Variants in FAAH2 observed in about 807,000 individuals in gnomAD.
FAAH2 encodes fatty acid amide hydrolase 2, also known as fatty-acid amide hydrolase 2.
In FAAH2, 60 loss-of-function variants were observed where a neutral mutation model predicts 36.9. That is an observed-to-expected ratio of 1.63 (90% confidence interval 1.32 to 2.02). The LOEUF (loss-of-function observed/expected upper bound fraction) is 2.02. Ranked by LOEUF, FAAH2 falls within the 30% of genes most tolerant of loss-of-function variation. The pLI is 0.00. For missense variants in FAAH2, 689 were observed against 397.5 expected (o/e 1.73, Z -6.23); for synonymous variants, 214 against 143.8 (o/e 1.49, Z -3.49).
chrX:57,480,223 A>G (rs1569374403), intron 10 of FAAH2, among the ~76,000 whole-genome samples: 1 of 111,888 alleles, frequency 8.9e-6, no homozygotes, highest in Admixed American at 9.5e-5. Flanking sequence ...AACTATTCCT[A>G]TCAATAGAAA....
chrX:57,262,083 T>A, the FAAH2 span, among the ~76,000 whole-genome samples: 1 of 110,391 alleles, frequency 9.1e-6, no homozygotes, highest in Non-Finnish European at 1.9e-5. Flanking sequence ...ATATATATAC[T>A]TTTCTTTACT....
intron 10 of FAAH2, among the ~76,000 whole-genome samples, chrX:57,452,651 A>G: frequency 1.8e-5 from 2 of 112,621 alleles, no homozygotes; most frequent in Middle Eastern, 9.1e-3. Context: ...AAACTAACAA[A>G]TACATAATTA....
At chrX:57,189,080 T>C in the FAAH2 span, among the ~76,000 whole-genome samples, 2 of 111,106 alleles carry the variant, frequency 1.8e-5, no homozygotes, top group African/African-American at 6.5e-5. Context: ...GTCTTGGTTC[T>C]TTCCTTTTAA....
chrX:57,345,121 ATTT>A (rs201155425), intron 5 of FAAH2, among the ~76,000 whole-genome samples: 1 of 95,026 alleles, frequency 1.1e-5, no homozygotes, highest in African/African-American at 3.9e-5. Flanking sequence ...CCTCTCCTCA[ATTT>A]TTTTTTTTTT....
chrX:57,371,474 C>T (rs746590803), intron 5 of FAAH2, among the ~76,000 whole-genome samples: 1 of 111,636 alleles, frequency 9.0e-6, no homozygotes, highest in South Asian at 3.8e-4. Flanking sequence ...TTTCTTTATC[C>T]AATCCACCAT....
the FAAH2 span, among the ~76,000 whole-genome samples, chrX:57,159,580 G>T: frequency 9.0e-6 from 1 of 110,556 alleles, no homozygotes; most frequent in Non-Finnish European, 1.9e-5. Flanking sequence ...GGATTCCTAG[G>T]TATTTTATTC....
At chrX:57,325,121 G>A (rs919552552) in intron 3 of FAAH2, among the ~76,000 whole-genome samples, 1 of 112,281 alleles carries the variant, frequency 8.9e-6, no homozygotes, top group East Asian at 2.8e-4. Context: ...TGTTGGTTCT[G>A]TTTATATGCT....
chrX:57,166,414 C>T, the FAAH2 span, among the ~76,000 whole-genome samples: 6 of 111,789 alleles, frequency 5.4e-5, no homozygotes, highest in Non-Finnish European at 1.1e-4. Flanking sequence ...GTAATACACA[C>T]CCACCCTAGA....
intron 7 of FAAH2, among the ~76,000 whole-genome samples, chrX:57,405,288 G>A (rs1180938986): frequency 1.8e-5 from 2 of 111,227 alleles, no homozygotes; most frequent in Non-Finnish European, 3.8e-5. Flanking sequence ...TCTGACCTGG[G>A]GTTCTTGGCC....
chrX:57,248,874 G>A, the FAAH2 span, among the ~76,000 whole-genome samples: 2 of 85,700 alleles, frequency 2.3e-5, no homozygotes, highest in Non-Finnish European at 4.4e-5. Flanking sequence ...TTTGGTACTT[G>A]AGTCTTTTTA....
chrX:57,457,681 A>G (rs2056884917), intron 10 of FAAH2, among the ~76,000 whole-genome samples: 1 of 84,096 alleles, frequency 1.2e-5, no homozygotes, highest in Admixed American at 1.6e-4. Context: ...GAAGAACAGA[A>G]TTCCATTTAC....
At chrX:57,193,453 G>A in the FAAH2 span, among the ~76,000 whole-genome samples, 1 of 111,727 alleles carries the variant, frequency 9.0e-6, no homozygotes, top group Non-Finnish European at 1.9e-5. Context: ...GCCTCCATTT[G>A]CCTTGTGATA....
At chrX:57,417,372 C>T (rs959454194) in intron 7 of FAAH2, among the ~76,000 whole-genome samples, 1 of 111,821 alleles carries the variant, frequency 8.9e-6, no homozygotes, top group Non-Finnish European at 1.9e-5. Flanking sequence ...ATTTATCTTC[C>T]TTTGGTCTTT....
chrX:57,475,341 C>T (rs1392173238), intron 10 of FAAH2, among the ~76,000 whole-genome samples: 1 of 111,426 alleles, frequency 9.0e-6, no homozygotes, highest in African/African-American at 3.3e-5. Flanking sequence ...TACATTTAAG[C>T]CTTTAATTCA....
chrX:57,144,348 A>ATT, the FAAH2 span, among the ~76,000 whole-genome samples: 9 of 107,739 alleles, frequency 8.4e-5, no homozygotes, highest in Non-Finnish European at 1.7e-4. Context: ...GGATATTTAT[A>ATT]TTTTTTCTCA....
At chrX:57,366,966 TCTGG>T (rs1383959423) in intron 5 of FAAH2, among the ~76,000 whole-genome samples, 1 of 112,083 alleles carries the variant, frequency 8.9e-6, no homozygotes, top group Non-Finnish European at 1.9e-5. Context: ...ACACAAAACC[TCTGG>T]ACTCCATACA....
intron 3 of FAAH2, among the ~76,000 whole-genome samples, chrX:57,328,550 A>G (rs202204455): frequency 4.6e-4 from 51 of 111,042 alleles, no homozygotes; most frequent in Admixed American, 3.8e-3. Context: ...TCTGAATTCT[A>G]TTTATCTCAT....
chrX:57,403,353 T>A (rs2055486334), intron 7 of FAAH2, among the ~76,000 whole-genome samples: 1 of 112,538 alleles, frequency 8.9e-6, no homozygotes, highest in Non-Finnish European at 1.9e-5. Context: ...GATGTAGCAG[T>A]CCTGCACCTG....
At chrX:57,358,338 A>G (rs777018342) in intron 5 of FAAH2, among the ~76,000 whole-genome samples, 1 of 110,634 alleles carries the variant, frequency 9.0e-6, no homozygotes, top group Non-Finnish European at 1.9e-5. Context: ...ATATCACATG[A>G]ATAGCAATTC....
Sources: allele counts gnomAD v4.1 joint callset (sites outside exome capture counted in the v4.1 genomes callset), GRCh38; gene constraint gnomAD v4.1.1; transcripts MANE v1.5; gene names NCBI Gene and HGNC (gene_info 2026-07-23, HGNC 2026-07-21).